The following USP6NL variants were observed in gnomAD, a reference collection of about 807,000 sequenced individuals.
USP6NL encodes USP6 N-terminal like.
USP6NL carries 26 observed loss-of-function variants against 61.9 expected under a neutral mutation model. The observed-to-expected ratio is 0.42, with a 90% CI of 0.31 to 0.58. USP6NL has a LOEUF of 0.58. USP6NL is among the 20% of genes least tolerant of loss of function. The pLI is 0.16. For synonymous variants in USP6NL, 432 were observed against 390.1 expected (o/e 1.11, Z -1.27); for missense variants, 1,114 against 1,034.3 (o/e 1.08, Z -1.06).
rs1300573578 is a variant in USP6NL at position 11,511,005 on chromosome 10, A to T, written c.196-1330T>A. On this transcript the variant is annotated intron_variant, in intron 5 of 14. Transcript: ENST00000609104. This position sits in a 1 kb window ranked among gnomAD's most constrained non-coding sequence, Gnocchi z 4.9. ...CTGCAATCCAGCCTCAAACAGGCAG[A>T]CATTATGCTGGCAGATGGCATATAT... Among the ~76,000 whole-genome samples, 2 of 152,258 alleles carry T rather than the reference A, an allele frequency of 1.3e-5. No individual in the cohort carries two copies. The highest frequency in any genetic ancestry group is 2.9e-5 in the Non-Finnish European group (2 of 68,038).
intron 7 of USP6NL, among the ~76,000 whole-genome samples, chr10:11,498,235 CAAAAAAAA>C (rs11341542): frequency 7.7e-5 from 3 of 38,808 alleles, no homozygotes; most frequent in Admixed American, 3.2e-4. Context: ...CACTCTGTCT[CAAAAAAAA>C]AAAAAAAAAA....
chr10:11,608,645 A>G (rs1356145906), intron 1 of USP6NL, among the ~76,000 whole-genome samples: 2 of 152,218 alleles, frequency 1.3e-5, no homozygotes, highest in Non-Finnish European at 2.9e-5. Context: ...TATGGGTTTT[A>G]TAGCTCCCTG....
intron 2 of USP6NL, among the ~76,000 whole-genome samples, chr10:11,576,024 AT>A (rs1246174315): frequency 6.6e-6 from 1 of 151,982 alleles, no homozygotes; most frequent in African/African-American, 2.4e-5. Context: ...AACATCTTGG[AT>A]TTCAGGATAT....
At chr10:11,504,401 A>G (rs1308743380) in intron 6 of USP6NL, among the ~76,000 whole-genome samples, 3 of 152,190 alleles carry the variant, frequency 2.0e-5, no homozygotes, top group Non-Finnish European at 4.4e-5. Context: ...CATCTTTTCT[A>G]CATCAGCCCC....
intron 10 of USP6NL, among the ~76,000 whole-genome samples, chr10:11,488,563 TTTTA>T (rs1382558679): frequency 6.6e-6 from 1 of 152,252 alleles, no homozygotes; most frequent in Non-Finnish European, 1.5e-5. Flanking sequence ...GTTATCAACC[TTTTA>T]TTTAAAGTGG....
At chr10:11,533,923 T>A (rs1423861584) in intron 2 of USP6NL, among the ~76,000 whole-genome samples, 15 of 152,142 alleles carry the variant, frequency 9.9e-5, no homozygotes, top group Admixed American at 9.2e-4. Context: ...TTGGGCAGGC[T>A]CCTTTAAGCC....
At position 11,462,980 on chromosome 10, in the gene USP6NL, T is replaced by C. The variant is rs1478878042; in HGVS notation, c.1948A>G (p.Asn650Asp). ...GNSPKHFPTA[N>D]SSFASPQFSP... Reference sequence around the variant, plus strand: ...AACTGTGGAGAAGCAAAGCTGCTGTTGGCAGTAGGGAAGTGTTTGGGAGAG... The same window carrying C: ...AACTGTGGAGAAGCAAAGCTGCTGTCGGCAGTAGGGAAGTGTTTGGGAGAG... The change falls in exon 15 of 15, where the codon AAC (asparagine) becomes GAC (aspartate). Residue 650 changes from asparagine (N) to aspartate (D), a missense_variant. Asn to Asp is a conservative substitution (Grantham distance 23). Transcript: ENST00000609104. 1.9e-6 allele frequency: 3 copies of C among 1,613,810 alleles called. No individual in the cohort carries two copies. The highest frequency in any genetic ancestry group is 2.5e-6 in the Non-Finnish European group (3 of 1,179,822).
At chr10:11,586,159 T>C (rs1837953507) in intron 2 of USP6NL, among the ~76,000 whole-genome samples, 1 of 152,222 alleles carries the variant, frequency 6.6e-6, no homozygotes, top group African/African-American at 2.4e-5. Context: ...ATGATGTCAT[T>C]TTGAGCCTAC....
chr10:11,566,907 T>C (rs1837182626), intron 2 of USP6NL, among the ~76,000 whole-genome samples: 1 of 152,212 alleles, frequency 6.6e-6, no homozygotes, highest in Non-Finnish European at 1.5e-5. Flanking sequence ...AGCTCAGGCA[T>C]TTGAGACCAG....
At position 11,562,642 on chromosome 10, in the gene USP6NL, AT is replaced by A; in HGVS notation, c.4+34988del. Reference sequence around the variant, plus strand: ...TCTAACACTGAACAGTCCTCTAATTATTTGTGACACTCAACATTCATATGTT... The same window carrying A: ...TCTAACACTGAACAGTCCTCTAATTATTGTGACACTCAACATTCATATGTT... On this transcript the variant is annotated intron_variant, in intron 2 of 14. Coordinates refer to ENST00000609104, the MANE Select transcript of USP6NL (RefSeq NM_014688.5). The surrounding 1 kb of genome is among the most constrained non-coding windows in gnomAD (Gnocchi z 4.8). 1.0e-6 allele frequency: 1 copy of A among 985,384 alleles called. No homozygotes were observed. Among genetic ancestry groups the A allele is most frequent in the Non-Finnish European group, 1.2e-6 (1 of 829,918 alleles). The allele number at this position is 985,384 out of a possible 1,614,324, so 61.0% of individuals were successfully genotyped here. A position where few individuals can be genotyped will look rare whatever the true frequency, so the allele number is the denominator to read the frequency against.
At chr10:11,573,982 CAAAAT>C (rs1588401615) in intron 2 of USP6NL, 1 of 253,520 alleles carries the variant, frequency 3.9e-6, no homozygotes, top group Non-Finnish European at 7.4e-6. Context: ...CAAAACAAAA[CAAAAT>C]GTGGGTAATC....
Position 11,509,508 on chromosome 10 carries a change from A to C in USP6NL, c.276+87T>G, listed in dbSNP as rs151005882. On this transcript the variant is annotated intron_variant, in intron 6 of 14. Coordinates refer to ENST00000609104, the MANE Select transcript of USP6NL (RefSeq NM_014688.5). ...TTTCAAAACCAAATATGAATGTAAC[A>C]CTCTTATAATTAAAGAAGAACTTCT... The C allele has an allele frequency of 2.8e-4, 346 of 1,254,744 alleles. No individual in the cohort carries two copies. The African/African-American group carries it at 4.9e-3, about 18-fold the overall frequency. The allele number at this position is 1,254,744 out of a possible 1,614,324, so 77.7% of individuals were successfully genotyped here.
intron 2 of USP6NL, among the ~76,000 whole-genome samples, chr10:11,554,473 C>T (rs1004811348): frequency 5.3e-5 from 8 of 152,124 alleles, no homozygotes; most frequent in East Asian, 3.8e-4. Flanking sequence ...AATTGGAGTT[C>T]GGGATCCACT....
intron 2 of USP6NL, among the ~76,000 whole-genome samples, chr10:11,572,608 T>G (rs185282613): frequency 1.3e-5 from 2 of 152,110 alleles, no homozygotes. Context: ...CTAAGACTTA[T>G]GGAATCTCAT....
rs192833363 is a variant in USP6NL at position 11,600,697 on chromosome 10, C to A, written c.-83-2980G>T. Among the ~76,000 whole-genome samples the A allele has an allele frequency of 1.0e-3, 152 of 152,238 alleles. 2 individuals are homozygous for A. The highest frequency in any genetic ancestry group is 1.1e-3 in the Non-Finnish European group (78 of 68,018). On this transcript the variant is annotated intron_variant, in intron 1 of 14. Transcript: ENST00000609104. The surrounding 1 kb of genome is among the most constrained non-coding windows in gnomAD (Gnocchi z 4.1). ...TTAAAAATGTTTATCAGGCTGGGCA[C>A]GGTGGCTCACGCCTGTAATCCCAGC... is the stretch of plus-strand genomic sequence containing the variant.
chr10:11,599,627 T>G (rs1460887045), intron 1 of USP6NL, among the ~76,000 whole-genome samples: 2 of 152,186 alleles, frequency 1.3e-5, no homozygotes, highest in Non-Finnish European at 2.9e-5. Context: ...ATGTCATGGA[T>G]TAGTTCTTAG....
rs150519637 is a variant in USP6NL, at chr10:11,501,245, G to GA, written c.277-38dup. On this transcript the variant is annotated intron_variant, in intron 6 of 14. Coordinates refer to ENST00000609104, the MANE Select transcript of USP6NL (RefSeq NM_014688.5). ...AAAAAGAAACTGAAGGTTACAAACT[G>GA]AAAAAAACTTAGATTAGTCTCTACA... 9.0e-4 allele frequency: 1,369 copies of GA among 1,519,504 alleles called. 15 individuals carry two copies. The African/African-American group carries it at 0.017, about 19-fold the overall frequency. The allele number at this position is 1,519,504 out of a possible 1,614,324, so 94.1% of individuals were successfully genotyped here. A position where few individuals can be genotyped will look rare whatever the true frequency, so the allele number is the denominator to read the frequency against.
At position 11,534,833 on chromosome 10, in the gene USP6NL, C is replaced by T. The variant is rs574780666; in HGVS notation, c.5-7266G>A. Reference sequence around the variant, plus strand: ...TATGATTATGTAAGAACTGCATTGGCTATTAATGTTCACAATAAAATATAG... The same window carrying T: ...TATGATTATGTAAGAACTGCATTGGTTATTAATGTTCACAATAAAATATAG... On this transcript the variant is annotated intron_variant, in intron 2 of 14. Transcript: ENST00000609104. Among the ~76,000 whole-genome samples the T allele has an allele frequency of 6.6e-5, 10 of 152,300 alleles. No individual in the cohort carries two copies. In the South Asian group the frequency reaches 2.1e-3, roughly 32 times the overall value.
intron 2 of USP6NL, among the ~76,000 whole-genome samples, chr10:11,578,813 T>C (rs1480368700): frequency 6.6e-6 from 1 of 152,230 alleles, no homozygotes; most frequent in Non-Finnish European, 1.5e-5. Context: ...CCTTTCTATT[T>C]CAACTTAAAA....
Sources: gnomAD v4.1 joint callset for allele counts (sites outside exome capture counted in the v4.1 genomes callset) on GRCh38, gnomAD v4.1.1 for gene constraint, Gnocchi (gnomAD v3.1) non-coding constraint, MANE v1.5 for transcripts, NCBI Gene and HGNC (gene_info 2026-07-23, HGNC 2026-07-21) for gene names.